The following FGR variants were observed in gnomAD, a reference collection of about 807,000 sequenced individuals.
FGR encodes tyrosine-protein kinase Fgr.
A neutral mutation model predicts 63.2 loss-of-function variants in FGR; 26 were observed. The ratio of observed to expected loss-of-function variants is 0.41; its 90% CI spans 0.30 to 0.57. The LOEUF is 0.57. FGR is among the 20% of genes least tolerant of loss of function. The pLI, the probability that FGR is intolerant of heterozygous loss-of-function variation, is 0.27. For missense variants in FGR, 511 were observed against 690.8 expected, an observed-to-expected ratio of 0.74 and a Z score of 2.92; for synonymous variants, 286 against 277.7, an observed-to-expected ratio of 1.03 and a Z score of -0.30.
chr1:27,623,610 A>C (rs752174269), intron 3 of FGR, 81 bp downstream of exon 3: 8 of 1,444,310 alleles, frequency 5.5e-6, no homozygotes, highest in Non-Finnish European at 7.7e-6. Context: ...GAGGCTCCTA[A>C]GGGCAAGTTC....
intron 1 of FGR, among the ~76,000 whole-genome samples, chr1:27,634,625 C>T (rs114077504): frequency 0.011 from 1,646 of 152,036 alleles, 28 homozygotes; most frequent in African/African-American, 0.037. Flanking sequence ...TCCAGCACCC[C>T]CACCCATTTC....
chr1:27,616,745 T>G lies in FGR; in HGVS notation c.682+112A>C, dbSNP rs1408604152. 1 of 1,220,678 alleles carries G rather than the reference T, an allele frequency of 8.2e-7. No individual in the cohort carries two copies. Among genetic ancestry groups the G allele is most frequent in the Admixed American group, 1.9e-5 (1 of 52,470 alleles). 75.6% of individuals were successfully genotyped at this position (1,220,678 alleles called of 1,614,324 possible). ...GCAGACCCCATCCTTGGGTTCTGGT[T>G]TCCGTCTGGCCAATACTGCTTGGTA... On this transcript the variant is annotated intron_variant, in intron 7 of 12. Coordinates refer to ENST00000374005, the MANE Select transcript of FGR (RefSeq NM_005248.3). This position sits in a 1 kb window ranked among gnomAD's most constrained non-coding sequence, Gnocchi z 4.3.
At chr1:27,632,045 C>T (rs1036827741) in intron 1 of FGR, among the ~76,000 whole-genome samples, 2 of 151,376 alleles carry the variant, frequency 1.3e-5, no homozygotes, top group Non-Finnish European at 3.0e-5. Context: ...CTCACCGAGA[C>T]CCTCCACCTG....
At chr1:27,618,376 C>T (rs992865213) in intron 5 of FGR, among the ~76,000 whole-genome samples, 2 of 152,136 alleles carry the variant, frequency 1.3e-5, no homozygotes, top group African/African-American at 4.8e-5. Context: ...CTTAATTCTC[C>T]TAACAATGTT....
rs956194292 is a variant in FGR at position 27,635,070 on chromosome 1, G to A, written c.-82C>T. 1 of 152,294 alleles carries A rather than the reference G, an allele frequency of 6.6e-6. No homozygotes were observed. The highest frequency in any genetic ancestry group is 6.5e-5 in the Admixed American group (1 of 15,280). The allele number at this position is 152,294 out of a possible 1,614,324, so 9.4% of individuals were successfully genotyped here. A position where few individuals can be genotyped will look rare whatever the true frequency, so the allele number is the denominator to read the frequency against. On this transcript the variant is annotated 5_prime_UTR_variant, in exon 1 of 13. Coordinates refer to ENST00000374005, the MANE Select transcript of FGR (RefSeq NM_005248.3). Reference sequence around the variant, plus strand: ...CACCCGACGCTGTCGCTTACCTGGAGCCCAATTCTGCCCGGCCCCGGGGTG... The same window carrying A: ...CACCCGACGCTGTCGCTTACCTGGAACCCAATTCTGCCCGGCCCCGGGGTG...
intron 1 of FGR, among the ~76,000 whole-genome samples, chr1:27,632,740 G>A (rs1447308566): frequency 1.3e-5 from 2 of 152,130 alleles, no homozygotes; most frequent in African/African-American, 4.8e-5. Context: ...TGGAAGCCAT[G>A]GCGGCGGGGG....
At chr1:27,621,987 A>G (rs1463178123) in intron 4 of FGR, among the ~76,000 whole-genome samples, 1 of 152,106 alleles carries the variant, frequency 6.6e-6, no homozygotes, top group Non-Finnish European at 1.5e-5. Context: ...TTCCTTCTGG[A>G]TAAAATCTAG....
rs1352001627 is a variant in FGR at position 27,622,892 on chromosome 1, C to A, written c.329+150G>T. 6.4e-6 allele frequency: 4 copies of A among 623,786 alleles called. No homozygotes were observed. The African/African-American group carries it at 7.2e-5, about 11-fold the overall frequency. 38.6% of individuals were successfully genotyped at this position (623,786 alleles called of 1,614,324 possible). A position where few individuals can be genotyped will look rare whatever the true frequency, so the allele number is the denominator to read the frequency against. On this transcript the variant is annotated intron_variant, in intron 4 of 12. Transcript: ENST00000374005. Reference sequence around the variant, plus strand: ...CCAACACCACCCCCCTCAACCAGCACACAGTTGCAGTCACCCAGGGTTTTT... The same window carrying A: ...CCAACACCACCCCCCTCAACCAGCAAACAGTTGCAGTCACCCAGGGTTTTT...
Position 27,618,900 on chromosome 1 carries a change from T to TC in FGR, c.429-1605dup, listed in dbSNP as rs1444897215. Among the ~76,000 whole-genome samples the TC allele has an allele frequency of 2.0e-5, 3 of 152,154 alleles. No homozygotes were observed. The East Asian group carries it at 5.8e-4, about 29-fold the overall frequency. On this transcript the variant is annotated intron_variant, in intron 5 of 12. Coordinates refer to ENST00000374005, the MANE Select transcript of FGR (RefSeq NM_005248.3). ...CTCCACTTCCTCACCTCCCACTCCC[T>TC]CCCAGGCTCTGCTGTCTGGCCTCCG... is the stretch of plus-strand genomic sequence containing the variant.
Position 27,625,603 on chromosome 1 carries a change from C to T in FGR, c.-76-452G>A, listed in dbSNP as rs557032076. ...TCTCTCTAACAGGATTTCTATCAAG[C>T]CATGCTCAGCTCCCTCACAGTCCCC... On this transcript the variant is annotated intron_variant, in intron 1 of 12. Coordinates refer to ENST00000374005, the MANE Select transcript of FGR (RefSeq NM_005248.3). 2.6e-5 allele frequency among the ~76,000 whole-genome samples: 4 copies of T among 152,268 alleles called. No individual in the cohort carries two copies. In the South Asian group the frequency reaches 8.3e-4, roughly 32 times the overall value.
At chr1:27,622,865 G>T (rs1197532721) in intron 4 of FGR, among the ~76,000 whole-genome samples, 177 bp downstream of exon 4, 2 of 152,206 alleles carry the variant, frequency 1.3e-5, no homozygotes, top group African/African-American at 4.8e-5. Flanking sequence ...GGGTGCAGTG[G>T]CCCAACACCA....
At chr1:27,627,587 T>C (rs1223666859) in intron 1 of FGR, among the ~76,000 whole-genome samples, 2 of 152,064 alleles carry the variant, frequency 1.3e-5, no homozygotes, top group Non-Finnish European at 2.9e-5. Context: ...CACAACCCTA[T>C]GATTTAAGTA....
intron 2 of FGR, among the ~76,000 whole-genome samples, chr1:27,624,488 T>C (rs1320923003): frequency 1.3e-5 from 2 of 152,198 alleles, no homozygotes; most frequent in Non-Finnish European, 2.9e-5. Context: ...TTTCTGTGAC[T>C]CTTTCAGTGT....
At chr1:27,626,858 A>T (rs1361139534) in intron 1 of FGR, among the ~76,000 whole-genome samples, 1 of 152,020 alleles carries the variant, frequency 6.6e-6, no homozygotes, top group Non-Finnish European at 1.5e-5. Flanking sequence ...GAAAAGAGAG[A>T]TGGGGCTGAT....
intron 1 of FGR, among the ~76,000 whole-genome samples, chr1:27,626,831 GGATTTCAGGAACTGGTGAAAAGAGA>G (rs971516411): frequency 1.5e-4 from 23 of 152,116 alleles, no homozygotes; most frequent in African/African-American, 5.5e-4. Context: ...CCAGCGGGAG[GGATTTCAGGAACTGGTGAAAAGAGA>G]GATGGGGCTG....
At chr1:27,621,290 T>C (rs1050047516) in intron 5 of FGR, among the ~76,000 whole-genome samples, 1 of 152,202 alleles carries the variant, frequency 6.6e-6, no homozygotes, top group African/African-American at 2.4e-5. Context: ...TGCCTCAACT[T>C]CCTCATTTGT....
At chr1:27,620,349 C>T (rs895000047) in intron 5 of FGR, among the ~76,000 whole-genome samples, 2 of 151,906 alleles carry the variant, frequency 1.3e-5, no homozygotes, top group African/African-American at 4.8e-5. Context: ...CATGGTGACT[C>T]ATGCCTGAAA....
At chr1:27,630,220 A>AT (rs2090086075) in intron 1 of FGR, among the ~76,000 whole-genome samples, 2 of 151,848 alleles carry the variant, frequency 1.3e-5, no homozygotes. Flanking sequence ...CGCCTGGCTA[A>AT]TTTTTTGTAT....
At chr1:27,623,181 G>A (rs1035311533) in intron 3 of FGR, 37 bp from the exon 4 acceptor site, 1 of 1,514,948 alleles carries the variant, frequency 6.6e-7, no homozygotes, top group Non-Finnish European at 9.2e-7. Flanking sequence ...GTAGGGCATG[G>A]GGCAGAAGCA....
Sources: allele counts gnomAD v4.1 joint callset (sites outside exome capture counted in the v4.1 genomes callset), GRCh38; gene constraint gnomAD v4.1.1; non-coding constraint Gnocchi (gnomAD v3.1); transcripts MANE v1.5; gene names NCBI Gene and HGNC (gene_info 2026-07-23, HGNC 2026-07-21).